SYTL2: variants seen among roughly 807,000 people sequenced by gnomAD.
SYTL2 encodes synaptotagmin like 2, also known as synaptotagmin-like protein 2.
In SYTL2, 165 loss-of-function variants were observed where a neutral mutation model predicts 198.7. The observed-to-expected ratio is 0.83, with a 90% CI of 0.73 to 0.94. SYTL2 has a LOEUF of 0.94. SYTL2 is among the 40% of genes least tolerant of loss of function. SYTL2 has a pLI of 0.00. For synonymous variants in SYTL2, 966 were observed against 917.7 expected (o/e 1.05, Z -0.95); for missense variants, 2,835 against 2,582.8 (o/e 1.10, Z -2.12).
At chr11:85,796,821 T>C (rs767907795) in intron 1 of SYTL2, among the ~76,000 whole-genome samples, 10 of 152,252 alleles carry the variant, frequency 6.6e-5, no homozygotes, top group African/African-American at 1.4e-4. Context: ...TTGACTGATA[T>C]ATACTTTTAA....
the SYTL2 span, among the ~76,000 whole-genome samples, chr11:85,849,072 G>A: frequency 2.6e-5 from 4 of 152,180 alleles, no homozygotes; most frequent in African/African-American, 9.7e-5. Context: ...ATATTGCAAC[G>A]TGACAATGGA....
intron 12 of SYTL2, among the ~76,000 whole-genome samples, chr11:85,713,975 T>C (rs747481043): frequency 3.3e-5 from 5 of 152,196 alleles, no homozygotes; most frequent in Non-Finnish European, 5.9e-5. Flanking sequence ...AAATGATATA[T>C]GTAAAGTGCC....
intron 18 of SYTL2, 67 bp from the exon 19 acceptor site, chr11:85,696,455 T>A: frequency 8.2e-7 from 1 of 1,221,680 alleles, no homozygotes; most frequent in Non-Finnish European, 1.2e-6. Flanking sequence ...TTTCAATACA[T>A]AACAACACAG....
intron 1 of SYTL2, among the ~76,000 whole-genome samples, chr11:85,807,215 T>C (rs1479290364): frequency 6.6e-6 from 1 of 152,220 alleles, no homozygotes; most frequent in African/African-American, 2.4e-5. Context: ...TCTGTCCTCT[T>C]CTGTTCAGGA....
intron 1 of SYTL2, among the ~76,000 whole-genome samples, chr11:85,802,193 C>T (rs1291387972): frequency 2.0e-5 from 3 of 151,400 alleles, no homozygotes; most frequent in South Asian, 2.1e-4. Flanking sequence ...TCCTCCCCAC[C>T]ACACTCTCTT....
At chr11:85,699,472 G>T (rs980936581) in intron 17 of SYTL2, among the ~76,000 whole-genome samples, 3 of 152,076 alleles carry the variant, frequency 2.0e-5, no homozygotes, top group African/African-American at 7.2e-5. Context: ...ATATGCAAAA[G>T]AATCTACCTT....
chr11:85,755,033 A>T (rs1468978151), intron 2 of SYTL2, among the ~76,000 whole-genome samples: 7 of 152,178 alleles, frequency 4.6e-5, no homozygotes, highest in East Asian at 1.9e-4. Context: ...ACAAAAAAAA[A>T]TTTCATAGTT....
chr11:85,742,708 T>C (rs896638316), intron 4 of SYTL2, among the ~76,000 whole-genome samples: 1 of 152,210 alleles, frequency 6.6e-6, no homozygotes, highest in Non-Finnish European at 1.5e-5. Context: ...ACATAAGATA[T>C]CAATCTGTGA....
intron 4 of SYTL2, among the ~76,000 whole-genome samples, chr11:85,741,740 A>G (rs560290657): frequency 2.0e-4 from 31 of 152,280 alleles, no homozygotes; most frequent in Non-Finnish European, 4.1e-4. Flanking sequence ...GAGGGAAATT[A>G]ATATCTACGA....
chr11:85,848,797 TGGCTCCAG>T, the SYTL2 span, among the ~76,000 whole-genome samples: 1 of 152,234 alleles, frequency 6.6e-6, no homozygotes, highest in Admixed American at 6.5e-5. Context: ...TAAGAAACCC[TGGCTCCAG>T]CTTACTGTCC....
At chr11:85,712,672 A>G (rs1449317647) in intron 12 of SYTL2, among the ~76,000 whole-genome samples, 4 of 151,856 alleles carry the variant, frequency 2.6e-5, no homozygotes, top group African/African-American at 9.7e-5. Flanking sequence ...AGGAACTTAT[A>G]TAATTTGCCT....
intron 1 of SYTL2, among the ~76,000 whole-genome samples, chr11:85,770,913 T>C (rs2153578621): frequency 6.6e-6 from 1 of 152,344 alleles, no homozygotes; most frequent in South Asian, 2.1e-4. Context: ...GACCCGAATA[T>C]AATGTGGCCC....
chr11:85,774,077 T>C (rs183395238), intron 1 of SYTL2, among the ~76,000 whole-genome samples: 152 of 152,308 alleles, frequency 1.0e-3, no homozygotes, highest in African/African-American at 3.4e-3. Context: ...AAGAATGTGA[T>C]ATTACACAGA....
At chr11:85,777,177 T>C (rs1222329906) in intron 1 of SYTL2, among the ~76,000 whole-genome samples, 1 of 152,214 alleles carries the variant, frequency 6.6e-6, no homozygotes, top group Non-Finnish European at 1.5e-5. Context: ...GTAATTAGCA[T>C]GTGTATGCTC....
At chr11:85,712,535 C>A (rs2086484423) in intron 12 of SYTL2, among the ~76,000 whole-genome samples, 1 of 152,020 alleles carries the variant, frequency 6.6e-6, no homozygotes. Context: ...AACCCTATAC[C>A]CCATGCAAAA....
intron 1 of SYTL2, among the ~76,000 whole-genome samples, chr11:85,770,791 C>T (rs1482872308): frequency 6.6e-6 from 1 of 152,190 alleles, no homozygotes. Flanking sequence ...TTTCCCCTCA[C>T]AAATACCCCT....
upstream of SYTL2, among the ~76,000 whole-genome samples, chr11:85,812,390 G>A (rs962885924): frequency 6.6e-6 from 1 of 152,208 alleles, no homozygotes; most frequent in Non-Finnish European, 1.5e-5. Context: ...CTGGCACTGT[G>A]CAGAGATGTG....
At chr11:85,736,703 T>G in intron 5 of SYTL2, 88 bp from the exon 6 acceptor site, 1 of 724,190 alleles carries the variant, frequency 1.4e-6, no homozygotes, top group Non-Finnish European at 2.4e-6. Flanking sequence ...TCAATTTTGA[T>G]AGTTTTATCC....
chr11:85,698,169 T>C (rs2083695508), intron 17 of SYTL2, 91 bp from the exon 18 acceptor site: 4 of 791,094 alleles, frequency 5.1e-6, no homozygotes, highest in East Asian at 5.1e-5. Flanking sequence ...TGTTCTGGCA[T>C]GGAGATACTA....
Sources: gnomAD v4.1 joint callset for allele counts (sites outside exome capture counted in the v4.1 genomes callset) on GRCh38, gnomAD v4.1.1 for gene constraint, MANE v1.5 for transcripts, NCBI Gene and HGNC (gene_info 2026-07-23, HGNC 2026-07-21) for gene names.